The following ANGPT1 variants were observed in gnomAD, a reference collection of about 807,000 sequenced individuals.
The protein encoded by ANGPT1 is angiopoietin-1.
In ANGPT1, 17 loss-of-function variants were observed where a neutral mutation model predicts 62.2. The observed-to-expected ratio is 0.27, with a 90% CI of 0.19 to 0.41. The LOEUF (loss-of-function observed/expected upper bound fraction) is 0.41. Among genes scored for constraint, ANGPT1 ranks in the 10% least tolerant of loss-of-function variants. ANGPT1 has a pLI of 1.00. For synonymous variants in ANGPT1, 199 were observed against 198.9 expected (o/e 1.00, Z 0.00); for missense variants, 478 against 594.9 (o/e 0.80, Z 2.04).
intron 1 of ANGPT1, among the ~76,000 whole-genome samples, chr8:107,466,309 T>G (rs996637243): frequency 2.0e-5 from 3 of 152,066 alleles, no homozygotes; most frequent in East Asian, 1.9e-4. Flanking sequence ...TAGTAGGCAC[T>G]AGAGAATATG....
intron 8 of ANGPT1, among the ~76,000 whole-genome samples, chr8:107,262,549 T>TA (rs1437851501): frequency 6.6e-6 from 1 of 152,218 alleles, no homozygotes; most frequent in Non-Finnish European, 1.5e-5. Context: ...AGTAAGATAG[T>TA]ACAACATGTG....
At chr8:107,443,132 C>G (rs1208818182) in intron 1 of ANGPT1, among the ~76,000 whole-genome samples, 1 of 152,144 alleles carries the variant, frequency 6.6e-6, no homozygotes, top group African/African-American at 2.4e-5. Context: ...ATCTACATAA[C>G]TTAAAAGATC....
At chr8:107,472,978 C>A (rs988719580) in intron 1 of ANGPT1, among the ~76,000 whole-genome samples, 4 of 152,008 alleles carry the variant, frequency 2.6e-5, no homozygotes, top group African/African-American at 9.7e-5. Flanking sequence ...CCACTACCAC[C>A]AGTACTGGAT....
intron 1 of ANGPT1, among the ~76,000 whole-genome samples, chr8:107,399,104 G>T (rs1351306749): frequency 3.3e-5 from 5 of 152,140 alleles, no homozygotes; most frequent in Admixed American, 1.3e-4. Context: ...TGGTAATAGT[G>T]TCACAATCGG....
At chr8:107,416,375 C>T (rs138950816) in intron 1 of ANGPT1, among the ~76,000 whole-genome samples, 1 of 152,232 alleles carries the variant, frequency 6.6e-6, no homozygotes, top group East Asian at 1.9e-4. Context: ...TTTTAAAGAA[C>T]ACAAATAAGC....
chr8:107,451,500 GT>G (rs1394279655), intron 1 of ANGPT1, among the ~76,000 whole-genome samples: 5 of 152,066 alleles, frequency 3.3e-5, no homozygotes, highest in African/African-American at 1.2e-4. Context: ...ATTGTCAACA[GT>G]GTTGTAAATG....
At chr8:107,377,304 T>G (rs1384181566) in intron 1 of ANGPT1, among the ~76,000 whole-genome samples, 1 of 152,176 alleles carries the variant, frequency 6.6e-6, no homozygotes, top group Non-Finnish European at 1.5e-5. Context: ...TTTTGGTGCT[T>G]TGTTCAACAA....
chr8:107,304,440 A>T (rs1337847205), intron 4 of ANGPT1, among the ~76,000 whole-genome samples: 1 of 151,764 alleles, frequency 6.6e-6, no homozygotes, highest in Non-Finnish European at 1.5e-5. Context: ...GTTTCCTATC[A>T]ATAAATATCT....
At chr8:107,324,777 T>A (rs1053706782) in intron 3 of ANGPT1, among the ~76,000 whole-genome samples, 14 of 152,162 alleles carry the variant, frequency 9.2e-5, no homozygotes, top group Admixed American at 6.5e-4. Context: ...TGTGCACACA[T>A]TCACATAAGA....
intron 1 of ANGPT1, among the ~76,000 whole-genome samples, chr8:107,407,292 C>T (rs1817169282): frequency 6.6e-6 from 1 of 150,448 alleles, no homozygotes; most frequent in Non-Finnish European, 1.5e-5. Flanking sequence ...AAATTGCTGG[C>T]AGCCCTTTAT....
rs533450279 is a variant in ANGPT1, at chr8:107,397,406, A to G, written c.298-50309T>C. On this transcript the variant is annotated intron_variant, in intron 1 of 8. Coordinates refer to ENST00000517746, the MANE Select transcript of ANGPT1 (RefSeq NM_001146.5). ...ACAAATATTTCCCTTTTCTTAGGGT[A>G]ACATGAGGGGATTTTTTCCCCTCAA... 5.3e-5 allele frequency among the ~76,000 whole-genome samples: 8 copies of G among 151,592 alleles called. No homozygotes were observed. In the South Asian group the frequency reaches 1.7e-3, roughly 32 times the overall value.
At chr8:107,400,561 CT>C (rs781428137) in intron 1 of ANGPT1, among the ~76,000 whole-genome samples, 282 of 142,364 alleles carry the variant, frequency 2.0e-3, no homozygotes, top group South Asian at 4.9e-3. Context: ...ACATTTCTTT[CT>C]TTTTTTTTTT....
At chr8:107,492,778 A>G (rs1812998487) in intron 1 of ANGPT1, among the ~76,000 whole-genome samples, 1 of 150,666 alleles carries the variant, frequency 6.6e-6, no homozygotes, top group African/African-American at 2.4e-5. Context: ...TCATGTGCAC[A>G]TATTATACAG....
chr8:107,376,863 A>G (rs1460811161), intron 1 of ANGPT1, among the ~76,000 whole-genome samples: 1 of 152,216 alleles, frequency 6.6e-6, no homozygotes, highest in South Asian at 2.1e-4. Context: ...GTGTCTGGGA[A>G]ACAGAGTATT....
chr8:107,349,488 T>C (rs1371979755), intron 1 of ANGPT1, among the ~76,000 whole-genome samples: 1 of 152,190 alleles, frequency 6.6e-6, no homozygotes, highest in Non-Finnish European at 1.5e-5. Flanking sequence ...TGAGTGTAAG[T>C]TTCTTAAAAA....
chr8:107,328,042 A>G (rs2130088620), intron 3 of ANGPT1, among the ~76,000 whole-genome samples: 1 of 152,228 alleles, frequency 6.6e-6, no homozygotes, highest in East Asian at 1.9e-4. Flanking sequence ...CATAGCAGCC[A>G]ATGAATTCAC....
chr8:107,470,224 G>T (rs1017262616), intron 1 of ANGPT1, among the ~76,000 whole-genome samples: 1 of 151,976 alleles, frequency 6.6e-6, no homozygotes, highest in African/African-American at 2.4e-5. Flanking sequence ...CCCTTTTAAT[G>T]ATTGACAAAG....
At chr8:107,364,071 T>C (rs867266124) in intron 1 of ANGPT1, among the ~76,000 whole-genome samples, 1 of 152,156 alleles carries the variant, frequency 6.6e-6, no homozygotes, top group African/African-American at 2.4e-5. Context: ...CTATAGGTAA[T>C]AATATCCTAT....
At chr8:107,330,099 G>A (rs1031948570) in intron 3 of ANGPT1, among the ~76,000 whole-genome samples, 2 of 152,056 alleles carry the variant, frequency 1.3e-5, no homozygotes, top group South Asian at 2.1e-4. Context: ...AGGAATGTCA[G>A]GCAAACATCA....
Sources: gnomAD v4.1 joint callset for allele counts (sites outside exome capture counted in the v4.1 genomes callset) on GRCh38, gnomAD v4.1.1 for gene constraint, MANE v1.5 for transcripts, NCBI Gene and HGNC (gene_info 2026-07-23, HGNC 2026-07-21) for gene names.